Variants in CHCHD3 observed in about 807,000 individuals in gnomAD.
CHCHD3 encodes the protein MICOS complex subunit MIC19.
In CHCHD3, 20 loss-of-function variants were observed where a neutral mutation model predicts 38.2. That is an observed-to-expected ratio of 0.52 (90% CI 0.37 to 0.76). The LOEUF is 0.76. CHCHD3 is among the 30% of genes least tolerant of loss of function. The probability of loss-of-function intolerance (pLI) is 0.00; values close to 1 mark genes in which losing one functional copy is unlikely to be tolerated. For synonymous variants in CHCHD3, 82 were observed against 100.0 expected, an observed-to-expected ratio of 0.82 and a Z score of 1.07; for missense variants, 245 against 279.2, an observed-to-expected ratio of 0.88 and a Z score of 0.87.
chr7:133,014,941 G>A (rs747472877), intron 3 of CHCHD3, among the ~76,000 whole-genome samples: 66 of 152,086 alleles, frequency 4.3e-4, no homozygotes, highest in Non-Finnish European at 7.5e-4. Flanking sequence ...CATACTCCCC[G>A]CTGTACTATT....
At chr7:133,079,209 C>G (rs1300540696) in intron 1 of CHCHD3, among the ~76,000 whole-genome samples, 1 of 152,178 alleles carries the variant, frequency 6.6e-6, no homozygotes, top group Non-Finnish European at 1.5e-5. Flanking sequence ...GTTCACATAT[C>G]CATTCTTTTG....
chr7:132,997,685 A>AAAAC, intron 3 of CHCHD3, among the ~76,000 whole-genome samples: 1 of 145,524 alleles, frequency 6.9e-6, no homozygotes, highest in Non-Finnish European at 1.5e-5. Context: ...AAAAAAAAAA[A>AAAAC]AAACAGCAAG....
intron 4 of CHCHD3, among the ~76,000 whole-genome samples, chr7:132,936,844 A>T (rs1810643763): frequency 6.6e-6 from 1 of 152,228 alleles, no homozygotes; most frequent in Non-Finnish European, 1.5e-5. Context: ...AGCATGCTTG[A>T]AGCCCCCATT....
intron 5 of CHCHD3, among the ~76,000 whole-genome samples, chr7:132,880,455 G>T (rs1320335142): frequency 6.6e-6 from 1 of 152,062 alleles, no homozygotes. Flanking sequence ...TTTCTCCCAG[G>T]ATAGAATTAA....
chr7:132,812,872 C>T (rs1336686541), intron 6 of CHCHD3, among the ~76,000 whole-genome samples: 2 of 152,206 alleles, frequency 1.3e-5, no homozygotes, highest in African/African-American at 2.4e-5. Flanking sequence ...CAAAGGAGCT[C>T]AGCTCCTTCC....
chr7:133,077,552 T>C (rs1815038878), intron 1 of CHCHD3, among the ~76,000 whole-genome samples: 2 of 152,246 alleles, frequency 1.3e-5, no homozygotes, highest in Admixed American at 1.3e-4. Context: ...AAAATGATAC[T>C]CATTGAAGTT....
At chr7:132,909,821 A>G (rs1164793685) in intron 4 of CHCHD3, among the ~76,000 whole-genome samples, 2 of 152,212 alleles carry the variant, frequency 1.3e-5, no homozygotes, top group Non-Finnish European at 2.9e-5. Context: ...TTTCTTTTAG[A>G]AACTTCATGG....
At chr7:132,946,002 G>A (rs1433958798) in intron 4 of CHCHD3, among the ~76,000 whole-genome samples, 2 of 151,822 alleles carry the variant, frequency 1.3e-5, no homozygotes, top group African/African-American at 4.8e-5. Flanking sequence ...TATGCACACT[G>A]TCCAAAGATA....
At chr7:132,951,943 T>G (rs772049901) in intron 4 of CHCHD3, among the ~76,000 whole-genome samples, 13 of 152,094 alleles carry the variant, frequency 8.5e-5, no homozygotes, top group Non-Finnish European at 1.8e-4. Flanking sequence ...TAAGACCTAA[T>G]AGGAAGGAGG....
At chr7:132,885,559 C>T (rs1423293247) in intron 5 of CHCHD3, 103 bp downstream of exon 5, 1 of 910,138 alleles carries the variant, frequency 1.1e-6, no homozygotes, top group Non-Finnish European at 1.6e-6. Context: ...GGCCACTTTA[C>T]AACCAGGAAA....
chr7:132,975,083 A>G (rs1245418935), intron 4 of CHCHD3, 86 bp downstream of exon 4: 1 of 1,022,154 alleles, frequency 9.8e-7, no homozygotes, highest in African/African-American at 1.6e-5. Context: ...TCAACACTAA[A>G]AGCTGGCACA....
At chr7:132,955,176 GTGTGTGTGT>G (rs1562920089) in intron 4 of CHCHD3, among the ~76,000 whole-genome samples, 2 of 139,422 alleles carry the variant, frequency 1.4e-5, no homozygotes, top group Non-Finnish European at 1.5e-5. Flanking sequence ...CTCAGAGGGT[GTGTGTGTGT>G]GTGTGTGTGT....
chr7:133,056,151 A>T (rs553137530), intron 2 of CHCHD3, among the ~76,000 whole-genome samples: 2 of 152,082 alleles, frequency 1.3e-5, no homozygotes, highest in South Asian at 4.1e-4. Context: ...TGCCTCAAAA[A>T]AAAAAAAATG....
intron 1 of CHCHD3, among the ~76,000 whole-genome samples, 169 bp downstream of exon 1, chr7:133,081,688 G>C (rs1159746490): frequency 6.6e-6 from 1 of 152,220 alleles, no homozygotes; most frequent in Non-Finnish European, 1.5e-5. Context: ...ATCTCTGAAT[G>C]AATGTCCCAC....
intron 5 of CHCHD3, among the ~76,000 whole-genome samples, chr7:132,881,194 C>T (rs1257084034): frequency 6.6e-6 from 1 of 152,122 alleles, no homozygotes; most frequent in East Asian, 1.9e-4. Context: ...ACACTTATTA[C>T]TCCTAACAAG....
chr7:132,870,524 T>C (rs750826650), intron 5 of CHCHD3, among the ~76,000 whole-genome samples: 1 of 152,164 alleles, frequency 6.6e-6, no homozygotes, highest in Non-Finnish European at 1.5e-5. Flanking sequence ...TATCCTAATT[T>C]AGTATGTATA....
At chr7:132,976,836 TCAACTA>T (rs1225659721) in intron 3 of CHCHD3, among the ~76,000 whole-genome samples, 1 of 151,806 alleles carries the variant, frequency 6.6e-6, no homozygotes, top group Non-Finnish European at 1.5e-5. Context: ...TTCTCAGAAA[TCAACTA>T]CAACAGAAAA....
intron 6 of CHCHD3, chr7:132,815,646 A>G (rs1440042017): frequency 2.2e-6 from 1 of 453,920 alleles, no homozygotes; most frequent in Non-Finnish European, 4.4e-6. Context: ...TAGGAAAAAA[A>G]GTGAAAAGAG....
intron 6 of CHCHD3, among the ~76,000 whole-genome samples, chr7:132,809,094 C>T (rs1417765187): frequency 4.6e-5 from 7 of 151,078 alleles, no homozygotes; most frequent in East Asian, 3.9e-4. Flanking sequence ...GGACTACAGG[C>T]GTGTACCACC....
Sources: gnomAD v4.1 joint callset for allele counts (sites outside exome capture counted in the v4.1 genomes callset) on GRCh38, gnomAD v4.1.1 for gene constraint, MANE v1.5 for transcripts, NCBI Gene and HGNC (gene_info 2026-07-23, HGNC 2026-07-21) for gene names.